TAFA1: variants seen among roughly 807,000 people sequenced by gnomAD.
TAFA1 encodes chemokine-like protein TAFA-1.
TAFA1 carries 4 observed loss-of-function variants against 18.5 expected under a neutral mutation model. That is an observed-to-expected ratio of 0.22 (90% CI 0.11 to 0.49). The LOEUF (loss-of-function observed/expected upper bound fraction) is 0.49. Among genes scored for constraint, TAFA1 ranks in the 20% least tolerant of loss-of-function variants. The pLI is 0.98. For missense variants in TAFA1, 147 were observed against 169.0 expected (o/e 0.87, Z 0.72); for synonymous variants, 56 against 55.2 (o/e 1.01, Z -0.06).
At chr3:68,159,413 C>T (rs896100213) in intron 2 of TAFA1, among the ~76,000 whole-genome samples, 2 of 152,140 alleles carry the variant, frequency 1.3e-5, no homozygotes, top group Admixed American at 6.5e-5. Flanking sequence ...GCAAAACATG[C>T]CAGAACGTCT....
chr3:68,081,288 C>T (rs916132282), intron 2 of TAFA1, among the ~76,000 whole-genome samples: 6 of 152,050 alleles, frequency 3.9e-5, no homozygotes, highest in Admixed American at 1.3e-4. Flanking sequence ...GTAATTTGAT[C>T]GTCTGAAGCC....
At chr3:68,262,672 C>T (rs929478611) in intron 2 of TAFA1, among the ~76,000 whole-genome samples, 1 of 151,962 alleles carries the variant, frequency 6.6e-6, no homozygotes, top group African/African-American at 2.4e-5. Context: ...TTTCTTTATC[C>T]AATTCACCAC....
chr3:68,351,377 G>A (rs775328496), intron 2 of TAFA1, among the ~76,000 whole-genome samples: 3 of 151,980 alleles, frequency 2.0e-5, no homozygotes, highest in Non-Finnish European at 4.4e-5. Context: ...ATAAATTGGG[G>A]TAAACACCAC....
intron 2 of TAFA1, among the ~76,000 whole-genome samples, chr3:68,062,461 G>C (rs1165193148): frequency 6.6e-6 from 1 of 152,116 alleles, no homozygotes; most frequent in African/African-American, 2.4e-5. Flanking sequence ...ATGACTTCTG[G>C]AGAATAATTT....
At chr3:68,395,768 G>A (rs1169139909) in intron 2 of TAFA1, among the ~76,000 whole-genome samples, 1 of 152,028 alleles carries the variant, frequency 6.6e-6, no homozygotes, top group Non-Finnish European at 1.5e-5. Context: ...AGAACATATG[G>A]GCTCAGGGAG....
intron 2 of TAFA1, among the ~76,000 whole-genome samples, chr3:68,113,897 GT>G (rs35158174): frequency 0.16 from 2,970 of 18,098 alleles, 41 homozygotes; most frequent in East Asian, 0.26. Context: ...AGTTTTTTTT[GT>G]TTTTTTTTTT....
intron 2 of TAFA1, among the ~76,000 whole-genome samples, chr3:68,286,526 G>A (rs2068011559): frequency 6.6e-6 from 1 of 152,074 alleles, no homozygotes; most frequent in Non-Finnish European, 1.5e-5. Context: ...AGTAGACAAA[G>A]GAACTAGAGA....
intron 2 of TAFA1, among the ~76,000 whole-genome samples, chr3:68,146,075 T>A (rs767888043): frequency 6.6e-6 from 1 of 152,172 alleles, no homozygotes; most frequent in African/African-American, 2.4e-5. Context: ...TGTTGATACA[T>A]TGGTAGAAGT....
At chr3:68,299,712 G>T (rs1056371360) in intron 2 of TAFA1, among the ~76,000 whole-genome samples, 1 of 152,200 alleles carries the variant, frequency 6.6e-6, no homozygotes, top group Non-Finnish European at 1.5e-5. Context: ...TACTTCTGTG[G>T]ACCAAGTCTA....
intron 2 of TAFA1, chr3:68,144,971 C>A: frequency 9.4e-7 from 1 of 1,061,980 alleles, no homozygotes; most frequent in Non-Finnish European, 1.5e-6. Flanking sequence ...AAAGTGGCAT[C>A]AAGATGCCTA....
intron 3 of TAFA1, among the ~76,000 whole-genome samples, chr3:68,483,554 G>T (rs2072276034): frequency 6.6e-6 from 1 of 152,216 alleles, no homozygotes; most frequent in Admixed American, 6.5e-5. Flanking sequence ...GGCAGAATGG[G>T]AGAAGAAGAC....
At chr3:68,356,135 C>T (rs533734450) in intron 2 of TAFA1, among the ~76,000 whole-genome samples, 101 of 151,766 alleles carry the variant, frequency 6.7e-4, no homozygotes, top group African/African-American at 2.2e-3. Flanking sequence ...TGCTGAACAC[C>T]GTCATTATAG....
intron 3 of TAFA1, among the ~76,000 whole-genome samples, chr3:68,530,925 G>A (rs2073179176): frequency 6.6e-6 from 1 of 151,904 alleles, no homozygotes; most frequent in Non-Finnish European, 1.5e-5. Context: ...ATGGACTCAT[G>A]GACTCAAAAG....
intron 2 of TAFA1, among the ~76,000 whole-genome samples, chr3:68,069,515 G>A (rs376728071): frequency 4.2e-4 from 64 of 152,194 alleles, no homozygotes; most frequent in African/African-American, 1.3e-3. Flanking sequence ...TGGGGACACA[G>A]CCAAACCGTA....
At chr3:68,082,302 C>T (rs374377460) in intron 2 of TAFA1, among the ~76,000 whole-genome samples, 9 of 152,160 alleles carry the variant, frequency 5.9e-5, no homozygotes, top group East Asian at 1.9e-4. Flanking sequence ...AGCTGTAGAC[C>T]GGAGCTGTTC....
intron 2 of TAFA1, among the ~76,000 whole-genome samples, chr3:68,304,532 G>T (rs958655854): frequency 2.0e-5 from 3 of 152,134 alleles, no homozygotes; most frequent in Admixed American, 6.6e-5. Flanking sequence ...CAAAAAGTTT[G>T]CAGATGTTAT....
At chr3:68,304,499 C>T (rs1361308279) in intron 2 of TAFA1, among the ~76,000 whole-genome samples, 1 of 152,102 alleles carries the variant, frequency 6.6e-6, no homozygotes, top group Non-Finnish European at 1.5e-5. Flanking sequence ...TGCCCACCTC[C>T]CATCTTGGGA....
chr3:68,193,350 A>C (rs1185453834), intron 2 of TAFA1, among the ~76,000 whole-genome samples: 2 of 151,806 alleles, frequency 1.3e-5, no homozygotes, highest in African/African-American at 2.4e-5. Flanking sequence ...ATTGTCCCCT[A>C]ACTGTAACAT....
intron 2 of TAFA1, among the ~76,000 whole-genome samples, chr3:68,270,142 T>C (rs946930760): frequency 6.6e-6 from 1 of 152,162 alleles, no homozygotes; most frequent in Non-Finnish European, 1.5e-5. Context: ...GATTTCAATA[T>C]CTGCTTCATC....
Sources: allele counts gnomAD v4.1 joint callset (sites outside exome capture counted in the v4.1 genomes callset), GRCh38; gene constraint gnomAD v4.1.1; transcripts MANE v1.5; gene names NCBI Gene and HGNC (gene_info 2026-07-23, HGNC 2026-07-21).